DNAI2: variants seen among roughly 807,000 people sequenced by gnomAD.
The protein encoded by DNAI2 is dynein axonemal intermediate chain 2.
DNAI2 carries 63 observed loss-of-function variants against 74.7 expected under a neutral mutation model. The ratio of observed to expected loss-of-function variants is 0.84; its 90% CI spans 0.69 to 1.04. The LOEUF is 1.04. Ranked by LOEUF, DNAI2 falls within the 50% of genes least tolerant of loss-of-function variation. The pLI, the probability that DNAI2 is intolerant of heterozygous loss-of-function variation, is 0.00. For missense variants in DNAI2, 688 were observed against 803.2 expected (o/e 0.86, Z 1.73); for synonymous variants, 289 against 314.9 (o/e 0.92, Z 0.87).
At chr17:74,299,636 G>GC in intron 6 of DNAI2, 82 bp from the exon 7 acceptor site, 4 of 1,582,240 alleles carry the variant, frequency 2.5e-6, no homozygotes, top group Non-Finnish European at 3.5e-6. Flanking sequence ...AGAAGCAGCA[G>GC]CCCCCTCTCT....
intron 7 of DNAI2, 108 bp downstream of exon 7, chr17:74,299,965 T>C (rs2052666300): frequency 6.7e-7 from 1 of 1,496,088 alleles, no homozygotes; most frequent in Admixed American, 1.9e-5. Flanking sequence ...CATTTTATTT[T>C]GAGATGGAGT....
chr17:74,282,548 G>A lies in DNAI2; in HGVS notation c.183+548G>A, dbSNP rs975347538. On this transcript the variant is annotated intron_variant, in intron 2 of 13. Coordinates refer to ENST00000311014, the MANE Select transcript of DNAI2 (RefSeq NM_023036.6). ...GCTCCTGGGCCCAAGTAGTCCTCCC[G>A]CCTTGGCCTCCCAAAGTGCTGGGAA... Among the ~76,000 whole-genome samples the A allele has an allele frequency of 1.1e-4, 16 of 152,264 alleles. No individual in the cohort carries two copies. The South Asian group carries it at 1.2e-3, about 12-fold the overall frequency.
chr17:74,285,416 G>A (rs2051658401), intron 3 of DNAI2, among the ~76,000 whole-genome samples: 1 of 152,136 alleles, frequency 6.6e-6, no homozygotes, highest in Admixed American at 6.5e-5. Context: ...TACAAGGGCT[G>A]ACCAGGCATC....
intron 4 of DNAI2, among the ~76,000 whole-genome samples, chr17:74,288,236 T>C (rs2051869970): frequency 6.6e-6 from 1 of 152,224 alleles, no homozygotes; most frequent in Non-Finnish European, 1.5e-5. Context: ...ACCTCTTTAT[T>C]ATAAAATAAG....
rs2053556187 is a variant in DNAI2, at chr17:74,312,018, A to T, written c.1510A>T (p.Thr504Ser). Residue 504 changes from threonine (T) to serine (S), a missense_variant, in exon 12 of 14, where the codon ACC (threonine) becomes TCC (serine). By Grantham distance (58) the Thr-to-Ser change is moderately conservative. Transcript: ENST00000311014. ...GGGTGCCCAGATGTTTGAGCGTGAG[A>T]CCCGGCGAGAGAAGATCCTGGAGGC... ...NVASSMFERE[T>S]RREKILEARH... 3 of 1,611,568 alleles carry T rather than the reference A, an allele frequency of 1.9e-6. No homozygotes were observed. In the East Asian group the frequency reaches 6.7e-5, roughly 36 times the overall value.
At chr17:74,287,783 C>T (rs1158127111) in intron 4 of DNAI2, among the ~76,000 whole-genome samples, 3 of 152,146 alleles carry the variant, frequency 2.0e-5, no homozygotes, top group South Asian at 2.1e-4. Flanking sequence ...GGCAAAACCC[C>T]GTCTCTACTA....
intron 6 of DNAI2, among the ~76,000 whole-genome samples, chr17:74,291,428 T>C (rs555561670): frequency 6.6e-6 from 1 of 152,268 alleles, no homozygotes; most frequent in Admixed American, 6.5e-5. Flanking sequence ...CCTCCCAAAG[T>C]GCTGGGATTA....
At chr17:74,305,173 T>C in intron 8 of DNAI2, 46 bp from the exon 9 acceptor site, 1 of 1,601,054 alleles carries the variant, frequency 6.2e-7, no homozygotes, top group South Asian at 1.1e-5. Flanking sequence ...AATCCCAGAA[T>C]TGATGGTTCG....
intron 6 of DNAI2, among the ~76,000 whole-genome samples, chr17:74,296,918 G>A (rs1454825887): frequency 2.0e-5 from 3 of 152,242 alleles, no homozygotes; most frequent in Non-Finnish European, 2.9e-5. Context: ...TGTTTTTCTT[G>A]AATAAACATT....
intron 11 of DNAI2, 127 bp from the exon 12 acceptor site, chr17:74,311,876 C>G: frequency 2.2e-6 from 2 of 908,282 alleles, no homozygotes; most frequent in Admixed American, 4.0e-5. Flanking sequence ...GGGTACAGAC[C>G]TCTACAGTAC....
chr17:74,298,029 G>A (rs2052550868), intron 6 of DNAI2, among the ~76,000 whole-genome samples: 2 of 152,138 alleles, frequency 1.3e-5, no homozygotes, highest in African/African-American at 2.4e-5. Flanking sequence ...GAATAGACCC[G>A]GGCTCCCATA....
At chr17:74,284,984 C>T (rs2051623438) in intron 2 of DNAI2, 56 bp from the exon 3 acceptor site, 5 of 1,611,456 alleles carry the variant, frequency 3.1e-6, no homozygotes, top group Non-Finnish European at 3.4e-6. Flanking sequence ...CAGAAGTGGC[C>T]GAGGGTTTGG....
chr17:74,298,467 G>T (rs1261337848), intron 6 of DNAI2, among the ~76,000 whole-genome samples: 1 of 152,034 alleles, frequency 6.6e-6, no homozygotes, highest in Non-Finnish European at 1.5e-5. Context: ...ACCACGCCCA[G>T]CTAATTTTTT....
intron 1 of DNAI2, among the ~76,000 whole-genome samples, chr17:74,276,966 C>T (rs1002723906): frequency 1.3e-5 from 2 of 152,174 alleles, no homozygotes; most frequent in East Asian, 1.9e-4. Flanking sequence ...TTCACAAGGC[C>T]GTAGCTTTGT....
intron 6 of DNAI2, among the ~76,000 whole-genome samples, chr17:74,291,502 T>C (rs1387673720): frequency 6.6e-6 from 1 of 152,180 alleles, no homozygotes; most frequent in Admixed American, 6.5e-5. Context: ...CCTGCTGCTA[T>C]AGGGCAGAGC....
At position 74,300,927 on chromosome 17, in the gene DNAI2, G is replaced by T; in HGVS notation, c.865-119G>T. On this transcript the variant is annotated intron_variant, in intron 7 of 13. Transcript: ENST00000311014. This position sits in a 1 kb window ranked among gnomAD's most constrained non-coding sequence, Gnocchi z 4.5. ...TGTATTTGCTCCCACGAATTGCCGG[G>T]AGCTCCATCCTTTGTGGCCCAGTGG... The T allele has an allele frequency of 7.1e-7, 1 of 1,400,398 alleles. No individual in the cohort carries two copies. The highest frequency in any genetic ancestry group is 1.0e-6 in the Non-Finnish European group (1 of 1,001,266). 86.7% of individuals were successfully genotyped at this position (1,400,398 alleles called of 1,614,324 possible). A position where few individuals can be genotyped will look rare whatever the true frequency, so the allele number is the denominator to read the frequency against.
chr17:74,305,996 C>A (rs73360669), intron 9 of DNAI2, among the ~76,000 whole-genome samples: 7,295 of 152,226 alleles, frequency 0.048, 577 homozygotes, highest in African/African-American at 0.17. Flanking sequence ...AATCCTCAAA[C>A]TATCCCCAGG....
At chr17:74,275,366 C>G (rs977419814) in intron 1 of DNAI2, among the ~76,000 whole-genome samples, 1 of 152,126 alleles carries the variant, frequency 6.6e-6, no homozygotes, top group African/African-American at 2.4e-5. Flanking sequence ...GGGAGGTCTG[C>G]CTCTTTTGAG....
At chr17:74,282,022 C>T (rs746398135) in intron 2 of DNAI2, 22 bp downstream of exon 2, 78 of 1,613,380 alleles carry the variant, frequency 4.8e-5, no homozygotes, top group Non-Finnish European at 6.6e-5. Flanking sequence ...CCCCAAGGGC[C>T]CTGGCCTGTC....
Sources: allele counts gnomAD v4.1 joint callset (sites outside exome capture counted in the v4.1 genomes callset), GRCh38; gene constraint gnomAD v4.1.1; non-coding constraint Gnocchi (gnomAD v3.1); transcripts MANE v1.5; gene names NCBI Gene and HGNC (gene_info 2026-07-23, HGNC 2026-07-21).